Variants in TENM4 observed in about 807,000 individuals in gnomAD.
The protein encoded by TENM4 is teneurin transmembrane protein 4, also known as teneurin-4.
In TENM4, 82 loss-of-function variants were observed where a neutral mutation model predicts 243.3. The observed-to-expected ratio is 0.34, with a 90% confidence interval of 0.28 to 0.40. TENM4 has a LOEUF of 0.40. TENM4 is among the 10% of genes least tolerant of loss of function. The pLI is 1.00. For synonymous variants in TENM4, 1,412 were observed against 1,456.3 expected, an observed-to-expected ratio of 0.97 and a Z score of 0.69; for missense variants, 3,138 against 3,673.3, an observed-to-expected ratio of 0.85 and a Z score of 3.77.
intron 4 of TENM4, among the ~76,000 whole-genome samples, chr11:79,140,312 C>G (rs1565221233): frequency 6.6e-6 from 1 of 152,114 alleles, no homozygotes; most frequent in Non-Finnish European, 1.5e-5. Flanking sequence ...CCCCTTCCCT[C>G]CGGGCTCCCT....
chr11:79,190,303 A>C (rs149510001), intron 3 of TENM4, among the ~76,000 whole-genome samples: 9 of 152,174 alleles, frequency 5.9e-5, no homozygotes, highest in East Asian at 1.9e-4. Flanking sequence ...CAGCTTCCTC[A>C]TAAGTAAAAT....
intron 26 of TENM4, among the ~76,000 whole-genome samples, chr11:78,712,057 T>C (rs1233089771): frequency 6.6e-6 from 1 of 152,214 alleles, no homozygotes; most frequent in Non-Finnish European, 1.5e-5. Context: ...TACACTAAAA[T>C]GTTTTTGTGT....
chr11:79,412,143 A>G (rs758839156), intron 1 of TENM4, among the ~76,000 whole-genome samples: 26 of 152,162 alleles, frequency 1.7e-4, no homozygotes, highest in African/African-American at 2.4e-5. Context: ...GAACACCCCA[A>G]GAGGACACAG....
In TENM4 at chr11:79,438,649, C is replaced by T. The variant is rs1859329994; in HGVS notation, c.-321+1860G>A. On this transcript the variant is annotated intron_variant, in intron 1 of 33. Transcript: ENST00000278550. The surrounding 1 kb of genome is among the most constrained non-coding windows in gnomAD (Gnocchi z 4.1). ...AGGGCTTGAAAGACAAGGAGGGGCG[C>T]CCAGGAAGGGCGGAAAAGAGGGGCT... Among the ~76,000 whole-genome samples, 1 of 152,154 alleles carries T rather than the reference C, an allele frequency of 6.6e-6. No homozygotes were observed.
At chr11:78,761,104 T>C (rs950400001) in intron 18 of TENM4, among the ~76,000 whole-genome samples, 1 of 152,218 alleles carries the variant, frequency 6.6e-6, no homozygotes, top group African/African-American at 2.4e-5. Context: ...TCCTTCTGCA[T>C]GTTGTAGTTG....
chr11:79,087,466 G>T (rs1860835157), intron 4 of TENM4, among the ~76,000 whole-genome samples: 1 of 152,220 alleles, frequency 6.6e-6, no homozygotes, highest in South Asian at 2.1e-4. Context: ...GAATCCTATT[G>T]CTTGGGATCA....
intron 1 of TENM4, among the ~76,000 whole-genome samples, chr11:79,358,451 G>T (rs1511230): frequency 0.17 from 25,539 of 151,970 alleles, 2,317 homozygotes; most frequent in Middle Eastern, 0.24. Flanking sequence ...AATCATTCAT[G>T]GGCCGGATGA....
chr11:78,757,032 G>A lies in TENM4; in HGVS notation c.2540-11C>T, dbSNP rs181962905. On this transcript the variant is annotated splice_polypyrimidine_tract_variant and intron_variant, in intron 18 of 33. Coordinates refer to ENST00000278550, the MANE Select transcript of TENM4 (RefSeq NM_001098816.3). ...AGTCCACCAGGCCATCTGCAGGAGT[G>A]ACAGAGCATGTGGTTTATATTGCTA... The A allele has an allele frequency of 1.2e-6, 2 of 1,611,910 alleles. No homozygotes were observed. Among genetic ancestry groups the A allele is most frequent in the Admixed American group, 3.3e-5 (2 of 59,834 alleles).
chr11:79,182,416 C>G (rs377240591), intron 3 of TENM4, among the ~76,000 whole-genome samples: 30 of 152,036 alleles, frequency 2.0e-4, no homozygotes, highest in African/African-American at 5.8e-4. Flanking sequence ...AGACTTAGAC[C>G]TCATTCCCTT....
chr11:79,060,186 C>A (rs1432942096), intron 6 of TENM4, among the ~76,000 whole-genome samples: 1 of 152,278 alleles, frequency 6.6e-6, no homozygotes, highest in Non-Finnish European at 1.5e-5. Flanking sequence ...GCCAGCTTCT[C>A]ACTGCCTCCC....
intron 2 of TENM4, among the ~76,000 whole-genome samples, chr11:79,271,399 T>A (rs768685054): frequency 6.6e-6 from 1 of 152,228 alleles, no homozygotes; most frequent in Non-Finnish European, 1.5e-5. Flanking sequence ...GCCATTTATT[T>A]GCACTTTTCA....
At chr11:78,959,993 G>A in intron 6 of TENM4, among the ~76,000 whole-genome samples, 1 of 151,978 alleles carries the variant, frequency 6.6e-6, no homozygotes, top group East Asian at 1.9e-4. Flanking sequence ...GAAGGCTACT[G>A]GCAGGAATAA....
At chr11:78,999,864 T>C (rs1171549287) in intron 6 of TENM4, among the ~76,000 whole-genome samples, 1 of 152,116 alleles carries the variant, frequency 6.6e-6, no homozygotes, top group Non-Finnish European at 1.5e-5. Context: ...GAAGAAATAA[T>C]TATTAAACTT....
intron 6 of TENM4, among the ~76,000 whole-genome samples, chr11:79,029,920 C>T (rs1473129801): frequency 6.6e-6 from 1 of 152,148 alleles, no homozygotes; most frequent in African/African-American, 2.4e-5. Context: ...ACTTGATCTG[C>T]TGAACAGGGT....
chr11:79,056,538 G>A (rs551442971), intron 6 of TENM4, among the ~76,000 whole-genome samples: 2 of 152,128 alleles, frequency 1.3e-5, no homozygotes, highest in South Asian at 2.1e-4. Flanking sequence ...CGTGCTATGC[G>A]GAGGAGGCCC....
chr11:79,087,928 G>T (rs6592823), intron 4 of TENM4, among the ~76,000 whole-genome samples: 41,260 of 152,108 alleles, frequency 0.27, 5,718 homozygotes, highest in East Asian at 0.42. Context: ...AGCAACTGTG[G>T]CTGCCTCTCT....
intron 3 of TENM4, among the ~76,000 whole-genome samples, chr11:79,192,112 C>G (rs1863520785): frequency 6.7e-6 from 1 of 150,130 alleles, no homozygotes; most frequent in Non-Finnish European, 1.5e-5. Context: ...CAGCCCCCCG[C>G]CCGGCCAGCC....
At chr11:79,439,798 C>T (rs1859360480) in intron 1 of TENM4, among the ~76,000 whole-genome samples, 1 of 152,216 alleles carries the variant, frequency 6.6e-6, no homozygotes, top group Non-Finnish European at 1.5e-5. Flanking sequence ...ACCCAGAGCA[C>T]ATTTCCCGAA....
chr11:78,657,197 G>A lies in TENM4; in HGVS notation c.*861C>T, dbSNP rs979797879. On this transcript the variant is annotated 3_prime_UTR_variant, in exon 34 of 34. Transcript: ENST00000278550. ...TTGGGAGAAAGGAGGAGATGAACAG[G>A]AACATCATGGAGGACCAACCAATCA... The A allele has an allele frequency of 5.3e-5, 21 of 398,602 alleles. No individual in the cohort carries two copies. The highest frequency in any genetic ancestry group is 3.3e-4 in the African/African-American group (16 of 48,618). 24.7% of individuals were successfully genotyped at this position (398,602 alleles called of 1,614,324 possible).
Sources: gnomAD v4.1 joint callset for allele counts (sites outside exome capture counted in the v4.1 genomes callset) on GRCh38, gnomAD v4.1.1 for gene constraint, Gnocchi (gnomAD v3.1) non-coding constraint, MANE v1.5 for transcripts, NCBI Gene and HGNC (gene_info 2026-07-23, HGNC 2026-07-21) for gene names.